Variants in POU6F2 observed in about 807,000 individuals in gnomAD.
POU6F2 encodes POU class 6 homeobox 2, also known as POU domain, class 6, transcription factor 2.
POU6F2 carries 31 observed loss-of-function variants against 71.3 expected under a neutral mutation model. The observed-to-expected ratio is 0.43, with a 90% CI of 0.33 to 0.59. The LOEUF is 0.59. POU6F2 is among the 20% of genes least tolerant of loss of function. The probability of loss-of-function intolerance (pLI) is 0.04; values close to 1 mark genes in which losing one functional copy is unlikely to be tolerated. For missense variants in POU6F2, 783 were observed against 856.8 expected (o/e 0.91, Z 1.07); for synonymous variants, 347 against 355.7 (o/e 0.98, Z 0.27).
chr7:39,034,017 A>G (rs1790006125), intron 1 of POU6F2, among the ~76,000 whole-genome samples: 1 of 152,174 alleles, frequency 6.6e-6, no homozygotes, highest in African/African-American at 2.4e-5. Flanking sequence ...GTGTGCGTAA[A>G]TAACTTTCTT....
At chr7:38,995,722 CTCT>C (rs1479745231) in intron 1 of POU6F2, among the ~76,000 whole-genome samples, 1 of 152,182 alleles carries the variant, frequency 6.6e-6, no homozygotes, top group Non-Finnish European at 1.5e-5. Context: ...AACTTAGCTC[CTCT>C]GTGTTTCAGT....
At chr7:39,188,028 G>A (rs1422114350) in intron 2 of POU6F2, among the ~76,000 whole-genome samples, 1 of 152,178 alleles carries the variant, frequency 6.6e-6, no homozygotes, top group Non-Finnish European at 1.5e-5. Flanking sequence ...GACCATTTGT[G>A]ATTGAACAAT....
chr7:39,079,318 A>G (rs1162918275), intron 1 of POU6F2, among the ~76,000 whole-genome samples: 3 of 151,126 alleles, frequency 2.0e-5, no homozygotes, highest in African/African-American at 4.9e-5. Context: ...CCTCCCGAGT[A>G]GCTGGGATTA....
intron 1 of POU6F2, among the ~76,000 whole-genome samples, chr7:39,069,641 C>T (rs1031400575): frequency 6.6e-6 from 1 of 152,112 alleles, no homozygotes; most frequent in Non-Finnish European, 1.5e-5. Flanking sequence ...ATAACATAAA[C>T]ATTCGATTAA....
intron 5 of POU6F2, among the ~76,000 whole-genome samples, chr7:39,368,396 A>C (rs1255335920): frequency 6.6e-6 from 1 of 152,232 alleles, no homozygotes; most frequent in African/African-American, 2.4e-5. Flanking sequence ...GAGATGAGGA[A>C]GCTGCAGAAG....
rs557620290 is a variant in POU6F2 at position 39,389,522 on chromosome 7, T to A, written c.973-17078T>A. ...TGCAGTTGTGAAGGATAGCAATTGA[T>A]CTGTAGGTGCAAATCAATCTCTCCA... On this transcript the variant is annotated intron_variant, in intron 5 of 9. Transcript: ENST00000518318. 2.4e-4 allele frequency among the ~76,000 whole-genome samples: 37 copies of A among 152,282 alleles called. 1 individual carries two copies. The South Asian group carries it at 6.4e-3, about 26-fold the overall frequency.
intron 2 of POU6F2, among the ~76,000 whole-genome samples, chr7:39,154,292 G>T (rs1477836575): frequency 6.6e-6 from 1 of 152,002 alleles, no homozygotes; most frequent in Non-Finnish European, 1.5e-5. Flanking sequence ...GGTAGACCTG[G>T]GTTTGCTTCC....
intron 4 of POU6F2, among the ~76,000 whole-genome samples, chr7:39,226,345 G>A (rs1030481025): frequency 1.5e-4 from 23 of 152,282 alleles, no homozygotes; most frequent in African/African-American, 5.5e-4. Context: ...CAGTGGAGAG[G>A]CCTGTATCCT....
At chr7:39,168,666 G>A (rs1299455818) in intron 2 of POU6F2, among the ~76,000 whole-genome samples, 1 of 152,182 alleles carries the variant, frequency 6.6e-6, no homozygotes, top group East Asian at 1.9e-4. Flanking sequence ...TAACTGGAGT[G>A]GTGCAAATTG....
chr7:39,088,744 A>T (rs1791306080), intron 2 of POU6F2, among the ~76,000 whole-genome samples: 1 of 152,180 alleles, frequency 6.6e-6, no homozygotes, highest in South Asian at 2.1e-4. Context: ...AGACAAGCAG[A>T]GCTCAGGGTT....
intron 4 of POU6F2, among the ~76,000 whole-genome samples, chr7:39,319,539 C>G (rs1251439683): frequency 6.6e-6 from 1 of 152,214 alleles, no homozygotes; most frequent in Non-Finnish European, 1.5e-5. Flanking sequence ...GGGACTCTCT[C>G]AGACACAATC....
chr7:39,145,693 A>G (rs1194537423), intron 2 of POU6F2, among the ~76,000 whole-genome samples: 1 of 152,002 alleles, frequency 6.6e-6, no homozygotes, highest in Non-Finnish European at 1.5e-5. Flanking sequence ...CTCCAGTGGA[A>G]AGGTTGGTAC....
At chr7:39,387,736 G>C (rs1583566854) in intron 5 of POU6F2, among the ~76,000 whole-genome samples, 2 of 152,230 alleles carry the variant, frequency 1.3e-5, no homozygotes, top group African/African-American at 2.4e-5. Context: ...TCGAGCTGCT[G>C]TCTTGATAGT....
chr7:39,194,358 A>G (rs1793734013), intron 2 of POU6F2, among the ~76,000 whole-genome samples: 1 of 152,228 alleles, frequency 6.6e-6, no homozygotes, highest in Admixed American at 6.5e-5. Context: ...GGCATTAAAA[A>G]TGTCTTGTTT....
chr7:39,184,966 T>A (rs979096834), intron 2 of POU6F2, among the ~76,000 whole-genome samples: 9 of 152,224 alleles, frequency 5.9e-5, no homozygotes, highest in African/African-American at 2.2e-4. Context: ...TTTTATTGAC[T>A]GGTCTGTTAA....
chr7:39,329,990 A>G (rs924829265), intron 4 of POU6F2, among the ~76,000 whole-genome samples: 8 of 152,226 alleles, frequency 5.3e-5, no homozygotes, highest in Non-Finnish European at 8.8e-5. Flanking sequence ...TTTTTTATCA[A>G]TGTAATACAT....
At chr7:38,993,954 G>A (rs1042521585) in intron 1 of POU6F2, among the ~76,000 whole-genome samples, 2 of 152,030 alleles carry the variant, frequency 1.3e-5, no homozygotes, top group African/African-American at 4.8e-5. Flanking sequence ...ATCTCTCCTA[G>A]AAGTGATTTT....
At chr7:39,233,051 A>C (rs965107275) in intron 4 of POU6F2, among the ~76,000 whole-genome samples, 7 of 152,192 alleles carry the variant, frequency 4.6e-5, no homozygotes, top group African/African-American at 1.7e-4. Flanking sequence ...TTTTCTGACA[A>C]ATTACGTGCA....
intron 1 of POU6F2, among the ~76,000 whole-genome samples, chr7:38,994,352 C>T (rs963118109): frequency 1.1e-4 from 16 of 151,146 alleles, no homozygotes; most frequent in Non-Finnish European, 1.8e-4. Context: ...AGGAGGGAGG[C>T]GGGAGAAACA....
Sources: gnomAD v4.1 joint callset for allele counts (sites outside exome capture counted in the v4.1 genomes callset) on GRCh38, gnomAD v4.1.1 for gene constraint, MANE v1.5 for transcripts, NCBI Gene and HGNC (gene_info 2026-07-23, HGNC 2026-07-21) for gene names.